The following SNX2 variants were observed in gnomAD, a reference collection of about 807,000 sequenced individuals.
The protein encoded by SNX2 is sorting nexin-2.
SNX2 carries 25 observed loss-of-function variants against 69.9 expected under a neutral mutation model. That is an observed-to-expected ratio of 0.36 (90% confidence interval 0.26 to 0.50). The LOEUF (loss-of-function observed/expected upper bound fraction) is 0.50. Ranked by LOEUF, SNX2 falls within the 20% of genes least tolerant of loss-of-function variation. The pLI is 0.97. For synonymous variants in SNX2, 229 were observed against 200.4 expected (o/e 1.14, Z -1.20); for missense variants, 551 against 613.3 (o/e 0.90, Z 1.07).
At chr5:122,811,616 G>A (rs1262349785) in intron 7 of SNX2, among the ~76,000 whole-genome samples, 1 of 151,986 alleles carries the variant, frequency 6.6e-6, no homozygotes, top group East Asian at 1.9e-4. Context: ...TGGATCACGA[G>A]GTCAAGAGAT....
chr5:122,805,402 G>T (rs1753620256), intron 6 of SNX2, among the ~76,000 whole-genome samples: 2 of 151,728 alleles, frequency 1.3e-5, no homozygotes, highest in Admixed American at 6.6e-5. Context: ...TGGGATTACA[G>T]ACTGGAGCCA....
intron 11 of SNX2, among the ~76,000 whole-genome samples, chr5:122,823,625 A>G (rs1019595433): frequency 2.6e-5 from 4 of 152,192 alleles, no homozygotes; most frequent in South Asian, 2.1e-4. Flanking sequence ...GAACAGAGGA[A>G]TTTATAAATG....
At chr5:122,778,866 C>G (rs930865487) in intron 1 of SNX2, among the ~76,000 whole-genome samples, 1 of 152,056 alleles carries the variant, frequency 6.6e-6, no homozygotes, top group Non-Finnish European at 1.5e-5. Context: ...TAAAACATTT[C>G]AAACTCCTAC....
chr5:122,832,589 G>A lies in SNX2; in HGVS notation c.*2941G>A, dbSNP rs1293065801. 2 of 151,990 alleles carry A rather than the reference G, an allele frequency of 1.3e-5. No individual in the cohort carries two copies. The highest frequency in any genetic ancestry group is 4.8e-5 in the African/African-American group (2 of 41,384). The allele number at this position is 151,990 out of a possible 1,614,324, so 9.4% of individuals were successfully genotyped here. ...AGTTTTCTGCATTCATTGTATTAATGTTGGTTCAAAAGTAATTGCGTCCTT... is the reference window on the plus strand; with the variant it reads ...AGTTTTCTGCATTCATTGTATTAATATTGGTTCAAAAGTAATTGCGTCCTT... On this transcript the variant is annotated 3_prime_UTR_variant, in exon 15 of 15. Coordinates refer to ENST00000379516, the MANE Select transcript of SNX2 (RefSeq NM_003100.4).
At chr5:122,806,142 G>GCACGCACACACACACACACA (rs1554063175) in intron 6 of SNX2, among the ~76,000 whole-genome samples, 11 of 130,584 alleles carry the variant, frequency 8.4e-5, no homozygotes, top group African/African-American at 2.9e-4. Context: ...ACACGCGCGC[G>GCACGCACACACACACACACA]CACACACACA....
Position 122,832,654 on chromosome 5 carries a change from G to A in SNX2, c.*3006G>A. 1 of 152,120 alleles carries A rather than the reference G, an allele frequency of 6.6e-6. No homozygotes were observed. The highest frequency in any genetic ancestry group is 1.9e-4 in the East Asian group (1 of 5,198). 9.4% of individuals were successfully genotyped at this position (152,120 alleles called of 1,614,324 possible). Reference sequence around the variant, plus strand: ...TTGTTTTATAAATGGCTTTAACTATGACATAAGCCTTTTAACATAATCAGC... The same window carrying A: ...TTGTTTTATAAATGGCTTTAACTATAACATAAGCCTTTTAACATAATCAGC... On this transcript the variant is annotated 3_prime_UTR_variant, in exon 15 of 15. Transcript: ENST00000379516.
intron 2 of SNX2, among the ~76,000 whole-genome samples, chr5:122,796,858 C>A (rs1753391310): frequency 6.6e-6 from 1 of 151,822 alleles, no homozygotes; most frequent in South Asian, 2.1e-4. Flanking sequence ...TAACAGTATG[C>A]ACAGCTGATC....
intron 2 of SNX2, 37 bp downstream of exon 2, chr5:122,795,420 T>G (rs760928793): frequency 2.3e-6 from 3 of 1,310,154 alleles, no homozygotes; most frequent in East Asian, 4.6e-5. Context: ...TAATGGTCAA[T>G]TGCAGTATAT....
chr5:122,811,781 T>C (rs1307990124), intron 7 of SNX2, among the ~76,000 whole-genome samples: 2 of 151,918 alleles, frequency 1.3e-5, no homozygotes, highest in East Asian at 3.9e-4. Context: ...GAGCCAAGAT[T>C]GTGCCACTGC....
chr5:122,783,416 TC>T (rs1753018588), intron 1 of SNX2, among the ~76,000 whole-genome samples: 1 of 152,232 alleles, frequency 6.6e-6, no homozygotes, highest in Admixed American at 6.5e-5. Context: ...GCTTATAGTT[TC>T]TTCCAAAAGA....
chr5:122,811,395 C>T (rs546898606), intron 7 of SNX2, among the ~76,000 whole-genome samples: 2 of 152,248 alleles, frequency 1.3e-5, no homozygotes, highest in Admixed American at 1.3e-4. Context: ...TAAGGATACA[C>T]ATCTGCAAAT....
upstream of SNX2, chr5:122,775,061 G>A (rs1183561362): frequency 1.3e-6 from 2 of 1,544,616 alleles, no homozygotes; most frequent in Non-Finnish European, 1.8e-6. Context: ...TCACGTGACG[G>A]GTCCGCGAGG....
At chr5:122,793,133 C>T (rs796635115) in intron 1 of SNX2, among the ~76,000 whole-genome samples, 12 of 152,078 alleles carry the variant, frequency 7.9e-5, no homozygotes, top group African/African-American at 2.4e-4. Context: ...TTTATACAAA[C>T]ATTTGTTTAC....
chr5:122,825,908 ATACT>A, intron 11 of SNX2, 138 bp from the exon 12 acceptor site: 2 of 652,976 alleles, frequency 3.1e-6, no homozygotes, highest in East Asian at 3.1e-5. Flanking sequence ...TGATATTGGC[ATACT>A]TACTTTCAGT....
chr5:122,822,641 C>T (rs1175325852), intron 11 of SNX2, among the ~76,000 whole-genome samples: 6 of 152,160 alleles, frequency 3.9e-5, no homozygotes, highest in African/African-American at 1.2e-4. Context: ...TTGCCTAAGC[C>T]TGGCGTTGTG....
chr5:122,811,202 A>G lies in SNX2; in HGVS notation c.722+2847A>G, dbSNP rs77764392. On this transcript the variant is annotated intron_variant, in intron 7 of 14. Transcript: ENST00000379516. The stretch of plus-strand genomic sequence containing the variant: ...CCAGATGACTACCTTGAATGAAAGG[A>G]TAAATATCTGGTATTAAAGGTTAGG... 2.2e-3 allele frequency among the ~76,000 whole-genome samples: 333 copies of G among 152,332 alleles called. 1 individual carries two copies. The highest frequency in any genetic ancestry group is 0.017 in the East Asian group (86 of 5,180).
At chr5:122,799,178 G>A (rs1424256366) in intron 2 of SNX2, among the ~76,000 whole-genome samples, 1 of 152,078 alleles carries the variant, frequency 6.6e-6, no homozygotes, top group African/African-American at 2.4e-5. Context: ...TGTCATATTT[G>A]TGTATCCAAC....
At chr5:122,816,567 C>T (rs1031750407) in intron 8 of SNX2, among the ~76,000 whole-genome samples, 4 of 152,062 alleles carry the variant, frequency 2.6e-5, no homozygotes, top group South Asian at 2.1e-4. Context: ...TTCTTCTTTC[C>T]TTATAAACGG....
chr5:122,798,103 G>C (rs957959064), intron 2 of SNX2, among the ~76,000 whole-genome samples: 1 of 151,940 alleles, frequency 6.6e-6, no homozygotes, highest in Admixed American at 6.6e-5. Flanking sequence ...TGTTTTGTTT[G>C]GTGCTTGTTG....
Sources: gnomAD v4.1 joint callset for allele counts (sites outside exome capture counted in the v4.1 genomes callset) on GRCh38, gnomAD v4.1.1 for gene constraint, MANE v1.5 for transcripts, NCBI Gene and HGNC (gene_info 2026-07-23, HGNC 2026-07-21) for gene names.